Variants in CCDC146 observed in about 807,000 individuals in gnomAD.
The protein encoded by CCDC146 is coiled-coil domain containing 146.
CCDC146 carries 92 observed loss-of-function variants against 119.3 expected under a neutral mutation model. The ratio of observed to expected loss-of-function variants is 0.77; its 90% confidence interval spans 0.65 to 0.92. The LOEUF (loss-of-function observed/expected upper bound fraction) is 0.92, where lower values mean the gene tolerates loss of function less well. Ranked by LOEUF, CCDC146 falls within the 40% of genes least tolerant of loss-of-function variation. The pLI, the probability that CCDC146 is intolerant of heterozygous loss-of-function variation, is 0.00. For missense variants in CCDC146, 1,000 were observed against 1,103.0 expected (o/e 0.91, Z 1.32); for synonymous variants, 372 against 371.8 (o/e 1.00, Z -0.01).
chr7:77,259,173 T>C (rs1793240547), intron 7 of CCDC146, 105 bp downstream of exon 7: 1 of 682,498 alleles, frequency 1.5e-6, no homozygotes. Context: ...TATGATAATT[T>C]TAGAAATTTC....
intron 9 of CCDC146, among the ~76,000 whole-genome samples, chr7:77,272,727 C>T (rs1031095839): frequency 7.2e-5 from 11 of 152,190 alleles, no homozygotes; most frequent in African/African-American, 2.7e-4. Flanking sequence ...CTACTCTCGT[C>T]TTCATCACAA....
intron 4 of CCDC146, 150 bp downstream of exon 4, chr7:77,242,050 G>T: frequency 1.5e-6 from 1 of 651,300 alleles, no homozygotes; most frequent in Non-Finnish European, 2.6e-6. Flanking sequence ...AGAATGGAAT[G>T]GGAATTCCCT....
At chr7:77,186,264 T>G (rs748222963) in intron 2 of CCDC146, among the ~76,000 whole-genome samples, 1 of 151,894 alleles carries the variant, frequency 6.6e-6, no homozygotes, top group African/African-American at 2.4e-5. Context: ...GATGAATGAA[T>G]AAAGAAAATG....
chr7:77,251,360 C>T (rs926313307), intron 4 of CCDC146, among the ~76,000 whole-genome samples: 1 of 152,104 alleles, frequency 6.6e-6, no homozygotes, highest in African/African-American at 2.4e-5. Flanking sequence ...ATTTCCTTCT[C>T]TCTACTTAAA....
intron 1 of CCDC146, among the ~76,000 whole-genome samples, chr7:77,143,799 T>C (rs1183499512): frequency 6.6e-6 from 1 of 151,842 alleles, no homozygotes. Flanking sequence ...ACCAGTACCA[T>C]GCTGTTTTGG....
Position 77,282,720 on chromosome 7 carries a change from G to C in CCDC146, c.2083G>C (p.Val695Leu). ...TGCTGAGAAGCAAAGACAAATTTGT[G>C]TGACCCAGAAATTACTGCCAGCCAA... Reference protein sequence around the residue: ...KIAEKQRQICVTQKLLPAKRS... With the variant: ...KIAEKQRQICLTQKLLPAKRS... Residue 695 changes from valine to leucine, a missense_variant, in exon 15 of 19, where the codon GTG (valine) becomes CTG (leucine). By Grantham distance (32) the Val-to-Leu change is conservative. This residue lies in a region of CCDC146 where 985 missense variants were observed against 1,045.3 expected (regional missense o/e 0.94). Transcript: ENST00000285871. The C allele has an allele frequency of 6.2e-7, 1 of 1,614,210 alleles. No individual in the cohort carries two copies. The highest frequency in any genetic ancestry group is 2.2e-5 in the East Asian group (1 of 44,888).
intron 2 of CCDC146, among the ~76,000 whole-genome samples, chr7:77,186,502 G>T (rs1434376594): frequency 6.6e-6 from 1 of 152,016 alleles, no homozygotes; most frequent in Admixed American, 6.6e-5. Context: ...AAGGGTAGTG[G>T]GGAGGGCAGG....
At chr7:77,207,792 A>G (rs1444851861) in intron 2 of CCDC146, among the ~76,000 whole-genome samples, 1 of 152,184 alleles carries the variant, frequency 6.6e-6, no homozygotes, top group Non-Finnish European at 1.5e-5. Flanking sequence ...TTTCAGGTGT[A>G]ACATTTTATG....
chr7:77,179,672 C>T (rs1791551360), intron 2 of CCDC146, among the ~76,000 whole-genome samples: 1 of 151,950 alleles, frequency 6.6e-6, no homozygotes, highest in Non-Finnish European at 1.5e-5. Context: ...AGGTCAAATT[C>T]CTAATAGTGG....
intron 1 of CCDC146, among the ~76,000 whole-genome samples, chr7:77,147,688 T>G (rs1156518567): frequency 6.6e-6 from 1 of 152,248 alleles, no homozygotes; most frequent in East Asian, 1.9e-4. Context: ...CAGACACTGT[T>G]TGCCTGGGTA....
chr7:77,182,886 A>G (rs1584048920), intron 2 of CCDC146, among the ~76,000 whole-genome samples: 1 of 151,946 alleles, frequency 6.6e-6, no homozygotes, highest in Non-Finnish European at 1.5e-5. Flanking sequence ...ATCACCACCA[A>G]CCCCACCACT....
At chr7:77,247,674 G>A (rs190842730) in intron 4 of CCDC146, among the ~76,000 whole-genome samples, 1 of 152,176 alleles carries the variant, frequency 6.6e-6, no homozygotes, top group East Asian at 1.9e-4. Context: ...GCAGACAAAT[G>A]GCTAAGAATC....
At chr7:77,227,977 C>A (rs939413432) in intron 2 of CCDC146, among the ~76,000 whole-genome samples, 2 of 152,174 alleles carry the variant, frequency 1.3e-5, no homozygotes, top group Non-Finnish European at 2.9e-5. Context: ...CTTCTACGGA[C>A]AGTTCTTGCT....
chr7:77,125,345 A>G (rs1584008449), intron 1 of CCDC146, among the ~76,000 whole-genome samples: 1 of 151,286 alleles, frequency 6.6e-6, no homozygotes, highest in African/African-American at 2.4e-5. Context: ...CACGTATAGT[A>G]TGATCTCAAT....
intron 2 of CCDC146, chr7:77,199,518 T>G: frequency 6.2e-7 from 1 of 1,614,158 alleles, no homozygotes; most frequent in Middle Eastern, 1.6e-4. Flanking sequence ...AAGATTTCTT[T>G]AGACTATTTA....
At chr7:77,254,667 A>C in intron 5 of CCDC146, 104 bp downstream of exon 5, 1 of 644,334 alleles carries the variant, frequency 1.6e-6, no homozygotes, top group Non-Finnish European at 2.7e-6. Context: ...GAAACATTTT[A>C]AAGACTCTAA....
chr7:77,149,784 AGCG>A (rs3972415), intron 1 of CCDC146, among the ~76,000 whole-genome samples: 24 of 133,906 alleles, frequency 1.8e-4, no homozygotes, highest in African/African-American at 6.1e-4. Flanking sequence ...GAAAAAAAAA[AGCG>A]AGAGAGAGAG....
At chr7:77,160,238 A>C (rs1235468347) in intron 1 of CCDC146, among the ~76,000 whole-genome samples, 1 of 152,122 alleles carries the variant, frequency 6.6e-6, no homozygotes, top group Non-Finnish European at 1.5e-5. Context: ...CTTAGGATTG[A>C]CTTGGCGATG....
rs34309739 is a variant in CCDC146, at chr7:77,130,597, CTTTTT to C, written c.-12+7880_-12+7884del. Reference sequence around the variant, plus strand: ...ATAGCCAGCATAATATCCTTTCTTTCTTTTTTTTTTTTTTTTTTTGAGACGGAGTT... The same window carrying C: ...ATAGCCAGCATAATATCCTTTCTTTCTTTTTTTTTTTTTTGAGACGGAGTT... On this transcript the variant is annotated intron_variant, in intron 1 of 18. Transcript: ENST00000285871. Among the ~76,000 whole-genome samples the C allele has an allele frequency of 7.2e-5, 9 of 125,738 alleles. No individual in the cohort carries two copies. The South Asian group carries it at 1.5e-3, about 21-fold the overall frequency. The allele number at this position is 125,738 out of a possible 152,430, so 82.5% of individuals were successfully genotyped here.
Sources: allele counts gnomAD v4.1 joint callset (sites outside exome capture counted in the v4.1 genomes callset), GRCh38; gene constraint gnomAD v4.1.1; regional missense constraint gnomAD v4.1.1; transcripts MANE v1.5; gene names NCBI Gene and HGNC (gene_info 2026-07-23, HGNC 2026-07-21).